The following DOCK10 variants were observed in gnomAD, a reference collection of about 807,000 sequenced individuals.
DOCK10 encodes dedicator of cytokinesis protein 10.
Under a neutral mutation model 280.1 loss-of-function variants are expected in DOCK10, and 145 were observed. The ratio of observed to expected loss-of-function variants is 0.52; its 90% confidence interval spans 0.45 to 0.59. The LOEUF (loss-of-function observed/expected upper bound fraction) is 0.59. DOCK10 is among the 20% of genes least tolerant of loss of function. The pLI is 0.00. For missense variants in DOCK10, 2,368 were observed against 2,651.7 expected (o/e 0.89, Z 2.35); for synonymous variants, 915 against 942.2 (o/e 0.97, Z 0.53).
At chr2:224,775,776 T>A (rs1690810568) in intron 51 of DOCK10, among the ~76,000 whole-genome samples, 1 of 152,178 alleles carries the variant, frequency 6.6e-6, no homozygotes, top group African/African-American at 2.4e-5. Context: ...CACCCAGCCC[T>A]AGAATGCAAG....
chr2:224,929,204 T>C (rs369312783), intron 2 of DOCK10, among the ~76,000 whole-genome samples: 12 of 152,238 alleles, frequency 7.9e-5, no homozygotes, highest in African/African-American at 2.9e-4. Flanking sequence ...GGTAAATTAA[T>C]TGGTTTACCT....
chr2:224,889,638 G>C (rs1271473344), intron 4 of DOCK10, among the ~76,000 whole-genome samples: 1 of 152,164 alleles, frequency 6.6e-6, no homozygotes, highest in African/African-American at 2.4e-5. Flanking sequence ...ATGTTAACTT[G>C]TTCTGCCTCT....
chr2:224,920,239 T>G (rs1403169623), intron 2 of DOCK10, among the ~76,000 whole-genome samples: 1 of 20,698 alleles, frequency 4.8e-5, no homozygotes, highest in Non-Finnish European at 1.1e-4. Flanking sequence ...ATTTTCACTT[T>G]TTTTTTTTTT....
chr2:224,945,405 T>A (rs1203126666), intron 1 of DOCK10, among the ~76,000 whole-genome samples: 1 of 152,090 alleles, frequency 6.6e-6, no homozygotes, highest in Non-Finnish European at 1.5e-5. Context: ...CATATTCCAG[T>A]TATGAAATAC....
intron 31 of DOCK10, among the ~76,000 whole-genome samples, chr2:224,808,939 T>C (rs924388640): frequency 6.6e-6 from 1 of 152,248 alleles, no homozygotes; most frequent in South Asian, 2.1e-4. Context: ...TAGCAGAAAC[T>C]GAGTGACAAG....
At chr2:224,776,135 T>C (rs538727500) in intron 51 of DOCK10, among the ~76,000 whole-genome samples, 17 of 152,244 alleles carry the variant, frequency 1.1e-4, no homozygotes, top group Non-Finnish European at 2.2e-4. Context: ...TTGGAAGAGC[T>C]GGAGTTCTCA....
At chr2:224,811,572 C>T (rs1693778464) in intron 31 of DOCK10, among the ~76,000 whole-genome samples, 1 of 152,198 alleles carries the variant, frequency 6.6e-6, no homozygotes, top group Admixed American at 6.5e-5. Flanking sequence ...TGCCTATGTC[C>T]TGAATGGTAA....
intron 13 of DOCK10, 80 bp from the exon 14 acceptor site, chr2:224,862,826 T>C: frequency 2.2e-6 from 2 of 894,210 alleles, no homozygotes; most frequent in South Asian, 2.3e-5. Context: ...AAATACTTTT[T>C]CATATTATTT....
intron 4 of DOCK10, among the ~76,000 whole-genome samples, chr2:224,886,851 T>G (rs1330978580): frequency 1.3e-5 from 2 of 150,674 alleles, no homozygotes; most frequent in African/African-American, 5.0e-5. Context: ...ACCTCCCGGG[T>G]TGAAGCGATT....
chr2:224,859,617 T>C (rs984233255), intron 14 of DOCK10, among the ~76,000 whole-genome samples: 16 of 152,200 alleles, frequency 1.1e-4, no homozygotes, highest in Non-Finnish European at 2.4e-4. Flanking sequence ...GGTGGGATGA[T>C]TAAATGTGGG....
intron 1 of DOCK10, among the ~76,000 whole-genome samples, chr2:224,936,567 C>T (rs1702705555): frequency 1.3e-5 from 2 of 152,112 alleles, no homozygotes; most frequent in East Asian, 3.9e-4. Context: ...AGAAACAACA[C>T]ATATCCATTA....
At chr2:224,983,928 G>C (rs1705880386) in intron 1 of DOCK10, 1 of 467,642 alleles carries the variant, frequency 2.1e-6, no homozygotes, top group Non-Finnish European at 4.4e-6. Context: ...AACAACTAGG[G>C]CATTTACTGA....
intron 3 of DOCK10, among the ~76,000 whole-genome samples, chr2:224,909,139 A>G (rs1394359258): frequency 1.3e-5 from 2 of 152,186 alleles, no homozygotes; most frequent in Non-Finnish European, 2.9e-5. Flanking sequence ...TTCCAACTTT[A>G]TATGATCCCT....
At chr2:225,019,070 G>A (rs969877554) in intron 1 of DOCK10, among the ~76,000 whole-genome samples, 2 of 144,730 alleles carry the variant, frequency 1.4e-5, no homozygotes, top group African/African-American at 2.6e-5. Flanking sequence ...TTGAATGGCT[G>A]AACATTTTCT....
intron 7 of DOCK10, among the ~76,000 whole-genome samples, chr2:224,882,547 T>A (rs1021926974): frequency 6.6e-6 from 1 of 152,178 alleles, no homozygotes; most frequent in Non-Finnish European, 1.5e-5. Context: ...TTCCAAAGTA[T>A]TCTAAGGAAA....
intron 27 of DOCK10, among the ~76,000 whole-genome samples, chr2:224,826,643 C>T (rs896060482): frequency 3.3e-5 from 5 of 152,094 alleles, no homozygotes; most frequent in Non-Finnish European, 7.4e-5. Flanking sequence ...AATCCCAGTA[C>T]TTTGGGAGGC....
chr2:224,943,761 C>CTTTTTTTTTTTTTTTTTTTTTTTTTT (rs67538456), intron 1 of DOCK10, among the ~76,000 whole-genome samples: 1 of 107,414 alleles, frequency 9.3e-6, no homozygotes. Flanking sequence ...TTTTTCTTTT[C>CTTTTTTTTTTTTTTTTTTTTTTTTTT]TTTTTTTTTT....
Position 224,786,882 on chromosome 2 carries a change from T to A in DOCK10, c.5655+140A>T. The A allele has an allele frequency of 3.0e-6, 2 of 669,938 alleles. No homozygotes were observed. Among genetic ancestry groups the A allele is most frequent in the Non-Finnish European group, 5.3e-6 (2 of 376,954 alleles). 41.5% of individuals were successfully genotyped at this position (669,938 alleles called of 1,614,324 possible). On this transcript the variant is annotated intron_variant, in intron 50 of 55. Transcript: ENST00000258390. The surrounding 1 kb of genome is among the most constrained non-coding windows in gnomAD (Gnocchi z 4.7). ...ATGGATAAACATATAGACCATCACATCCAGAGAAACACTCAAGTATAGTCA... is the reference window on the plus strand; with the variant it reads ...ATGGATAAACATATAGACCATCACAACCAGAGAAACACTCAAGTATAGTCA...
chr2:224,836,841 C>T (rs531382361), intron 25 of DOCK10, among the ~76,000 whole-genome samples: 8 of 152,118 alleles, frequency 5.3e-5, no homozygotes, highest in South Asian at 2.1e-4. Flanking sequence ...CCTCGTGATC[C>T]GCCCGCCTCG....
Sources: gnomAD v4.1 joint callset for allele counts (sites outside exome capture counted in the v4.1 genomes callset) on GRCh38, gnomAD v4.1.1 for gene constraint, Gnocchi (gnomAD v3.1) non-coding constraint, MANE v1.5 for transcripts, NCBI Gene and HGNC (gene_info 2026-07-23, HGNC 2026-07-21) for gene names.